Variants in ANK1 observed in about 807,000 individuals in gnomAD.
ANK1 encodes ankyrin 1, also known as ankyrin-1.
A neutral mutation model predicts 210.4 loss-of-function variants in ANK1; 51 were observed. That is an observed-to-expected ratio of 0.24 (90% CI 0.19 to 0.31). ANK1 has a LOEUF of 0.31. Among genes scored for constraint, ANK1 ranks in the 10% least tolerant of loss-of-function variants. The pLI, the probability that ANK1 is intolerant of heterozygous loss-of-function variation, is 1.00. For missense variants in ANK1, 2,051 were observed against 2,504.4 expected (o/e 0.82, Z 3.86); for synonymous variants, 967 against 1,025.9 (o/e 0.94, Z 1.10).
chr8:41,753,541 T>G (rs1459191240), intron 2 of ANK1, among the ~76,000 whole-genome samples: 1 of 152,168 alleles, frequency 6.6e-6, no homozygotes, highest in Non-Finnish European at 1.5e-5. Flanking sequence ...TTGTTTATAA[T>G]TTCAACTTCT....
chr8:41,683,586 G>A (rs1043927439), intron 37 of ANK1, among the ~76,000 whole-genome samples: 7 of 152,240 alleles, frequency 4.6e-5, no homozygotes, highest in Admixed American at 1.3e-4. Flanking sequence ...CCAGGGTGAC[G>A]CGTCAGCCAC....
chr8:41,741,965 G>A (rs1346982018), intron 2 of ANK1, among the ~76,000 whole-genome samples: 4 of 152,200 alleles, frequency 2.6e-5, no homozygotes, highest in Admixed American at 1.3e-4. Flanking sequence ...ACCTAGAGCT[G>A]TGCACCTGCC....
intron 7 of ANK1, among the ~76,000 whole-genome samples, chr8:41,723,978 C>A (rs1326311444): frequency 6.6e-6 from 1 of 151,462 alleles, no homozygotes; most frequent in Non-Finnish European, 1.5e-5. Flanking sequence ...TTAGTAGAGA[C>A]GGGGTTTCAC....
chr8:41,863,954 G>A (rs1281638536), intron 1 of ANK1, among the ~76,000 whole-genome samples: 2 of 152,098 alleles, frequency 1.3e-5, no homozygotes. Flanking sequence ...TTAATTCAAG[G>A]GTACCACTGG....
chr8:41,877,341 A>AT (rs1816779054), intron 1 of ANK1, among the ~76,000 whole-genome samples: 1 of 152,234 alleles, frequency 6.6e-6, no homozygotes, highest in African/African-American at 2.4e-5. Flanking sequence ...CAGGCTGCTG[A>AT]TGGTGGGAGA....
upstream of ANK1, among the ~76,000 whole-genome samples, chr8:41,802,444 C>A (rs552836856): frequency 6.6e-6 from 1 of 152,128 alleles, no homozygotes; most frequent in Admixed American, 6.5e-5. Flanking sequence ...TCATGTTCAT[C>A]GTTTATTAAG....
intron 37 of ANK1, among the ~76,000 whole-genome samples, chr8:41,680,821 C>T (rs550124675): frequency 6.6e-6 from 1 of 152,192 alleles, no homozygotes; most frequent in Non-Finnish European, 1.5e-5. Context: ...TGAGGAACAT[C>T]TCACAGGTCT....
chr8:41,803,085 G>GGAAGGGAAGGGAAGGGAAGGA lies in ANK1; in HGVS notation c.127-44949_127-44948insTCCTTCCCTTCCCTTCCCTTC, dbSNP rs1563811160. 4.0e-3 allele frequency among the ~76,000 whole-genome samples: 239 copies of GGAAGGGAAGGGAAGGGAAGGA among 60,014 alleles called. 2 individuals are homozygous for GGAAGGGAAGGGAAGGGAAGGA. Among genetic ancestry groups the GGAAGGGAAGGGAAGGGAAGGA allele is most frequent in the Middle Eastern group, 8.5e-3 (1 of 118 alleles). The allele number at this position is 60,014 out of a possible 152,430, so 39.4% of individuals were successfully genotyped here. Reference sequence around the variant, plus strand: ...AAAGGAAGGAAGGAAGGAAGGAAGGGAAGGAAAGGAAAGGAAAGGAAAGGA... The same window carrying GGAAGGGAAGGGAAGGGAAGGA: ...AAAGGAAGGAAGGAAGGAAGGAAGGGGAAGGGAAGGGAAGGGAAGGAAAGGAAAGGAAAGGAAAGGAAAGGA... On this transcript the variant is annotated intron_variant, in intron 1 of 42. Coordinates refer to the ANK1 transcript ENST00000265709.
intron 39 of ANK1, chr8:41,663,943 C>T (rs2150548637): frequency 3.0e-6 from 2 of 663,958 alleles, no homozygotes; most frequent in Middle Eastern, 3.3e-4. Context: ...GTCTGGGAGG[C>T]CTGAAGACGA....
chr8:41,688,096 C>T (rs371354406), intron 35 of ANK1, 60 bp downstream of exon 35: 84 of 1,545,250 alleles, frequency 5.4e-5, no homozygotes, highest in Middle Eastern at 5.0e-4. Flanking sequence ...TTGCTCATTA[C>T]AGGGGAAGAG....
At chr8:41,816,263 ACT>A (rs1023360079) in intron 1 of ANK1, among the ~76,000 whole-genome samples, 1 of 152,198 alleles carries the variant, frequency 6.6e-6, no homozygotes, top group African/African-American at 2.4e-5. Context: ...CTTTTGTCTT[ACT>A]GATGTGATTG....
chr8:41,726,369 T>G (rs1043914235), intron 5 of ANK1, among the ~76,000 whole-genome samples: 1 of 152,064 alleles, frequency 6.6e-6, no homozygotes, highest in Non-Finnish European at 1.5e-5. Context: ...CCCTGATAAT[T>G]CAATTGTGAG....
chr8:41,844,850 A>G (rs1809713550), intron 1 of ANK1, among the ~76,000 whole-genome samples: 1 of 152,104 alleles, frequency 6.6e-6, no homozygotes, highest in African/African-American at 2.4e-5. Flanking sequence ...GGTGAGTGAG[A>G]GACAGCCAGA....
chr8:41,694,894 C>T lies in ANK1; in HGVS notation c.3116-91G>A. On this transcript the variant is annotated intron_variant, in intron 27 of 42. Coordinates refer to ENST00000289734, the MANE Select transcript of ANK1 (RefSeq NM_000037.4). The surrounding 1 kb of genome is among the most constrained non-coding windows in gnomAD (Gnocchi z 5.7). ...CCCAGAGTCTCCTTGTCCCCAAGACCCAGTGCACACACCCTCCCCAGGTGC... is the reference window on the plus strand; with the variant it reads ...CCCAGAGTCTCCTTGTCCCCAAGACTCAGTGCACACACCCTCCCCAGGTGC... 7.5e-7 allele frequency: 1 copy of T among 1,329,618 alleles called. No homozygotes were observed. The highest frequency in any genetic ancestry group is 1.4e-5 in the African/African-American group (1 of 69,420). The allele number at this position is 1,329,618 out of a possible 1,614,324, so 82.4% of individuals were successfully genotyped here.
intron 1 of ANK1, among the ~76,000 whole-genome samples, chr8:41,771,430 T>A (rs1477797585): frequency 1.3e-5 from 2 of 152,198 alleles, no homozygotes; most frequent in African/African-American, 4.8e-5. Context: ...CAAATAATCA[T>A]CCTGCTTCTC....
intron 1 of ANK1, among the ~76,000 whole-genome samples, chr8:41,805,813 T>C (rs1419426829): frequency 6.6e-6 from 1 of 152,266 alleles, no homozygotes; most frequent in Non-Finnish European, 1.5e-5. Flanking sequence ...GTTCCCATAT[T>C]GCCATCTACA....
At chr8:41,809,759 C>A (rs1012969035) in intron 1 of ANK1, among the ~76,000 whole-genome samples, 1 of 152,020 alleles carries the variant, frequency 6.6e-6, no homozygotes, top group Non-Finnish European at 1.5e-5. Flanking sequence ...AGAGTGAGAC[C>A]CCACCTCTAA....
chr8:41,858,657 C>G (rs73626644), intron 1 of ANK1, among the ~76,000 whole-genome samples: 4,412 of 152,342 alleles, frequency 0.029, 238 homozygotes, highest in African/African-American at 0.1. Flanking sequence ...GGCCCGGATT[C>G]CGCTCCTTCT....
rs79804579 is a variant in ANK1, at chr8:41,854,983, G to A, written c.126+41372C>T. Among the ~76,000 whole-genome samples, 499 of 152,032 alleles carry A rather than the reference G, an allele frequency of 3.3e-3. 3 individuals carry two copies. Among genetic ancestry groups the A allele is most frequent in the African/African-American group, 0.01 (422 of 41,490 alleles). The stretch of plus-strand genomic sequence containing the variant: ...AAAAAAAAAGAAAAGCAGAACGCTG[G>A]TCCCTATTCTAGACCTATGACTCAG... On this transcript the variant is annotated intron_variant, in intron 1 of 42. Coordinates refer to the ANK1 transcript ENST00000265709.
Sources: allele counts gnomAD v4.1 joint callset (sites outside exome capture counted in the v4.1 genomes callset), GRCh38; gene constraint gnomAD v4.1.1; non-coding constraint Gnocchi (gnomAD v3.1); transcripts MANE v1.5; gene names NCBI Gene and HGNC (gene_info 2026-07-23, HGNC 2026-07-21).